Variants in HPD observed in about 807,000 individuals in gnomAD.
The protein encoded by HPD is 4-hydroxyphenylpyruvic acid oxidase.
Under a neutral mutation model 56.9 loss-of-function variants are expected in HPD, and 35 were observed. The ratio of observed to expected loss-of-function variants is 0.62; its 90% CI spans 0.47 to 0.82. HPD has a LOEUF of 0.82. Among genes scored for constraint, HPD ranks in the 40% least tolerant of loss-of-function variants. HPD has a pLI of 0.00. For missense variants in HPD, 442 were observed against 506.8 expected (o/e 0.87, Z 1.23); for synonymous variants, 186 against 200.2 (o/e 0.93, Z 0.60).
Position 121,857,313 on chromosome 12 carries a change from G to A in HPD, c.198+15C>T, listed in dbSNP as rs560549544. The A allele has an allele frequency of 1.3e-6, 2 of 1,556,264 alleles. No homozygotes were observed. The highest frequency in any genetic ancestry group is 2.2e-5 in the South Asian group (2 of 89,986). ...CAGGCAGGGGTTGGGGGCTGTCCTG[G>A]GGGTGGTGACTCACCTTCCCTTGTT... On this transcript the variant is annotated intron_variant, in intron 4 of 13. Coordinates refer to ENST00000289004, the MANE Select transcript of HPD (RefSeq NM_002150.3).
At chr12:121,863,915 G>A (rs566812465), upstream of HPD, among the ~76,000 whole-genome samples, 2 of 152,130 alleles carry the variant, frequency 1.3e-5, no homozygotes, top group Admixed American at 1.3e-4. Context: ...GTATAAAAAT[G>A]TTTTTCTGTG....
At chr12:121,867,181 A>C (rs1373379389), upstream of HPD, among the ~76,000 whole-genome samples, 2 of 151,914 alleles carry the variant, frequency 1.3e-5, no homozygotes, top group Non-Finnish European at 2.9e-5. Flanking sequence ...GCAAAACCCC[A>C]TCTCTACTAA....
intron 4 of HPD, chr12:121,856,945 T>A: frequency 1.9e-6 from 1 of 514,036 alleles, no homozygotes; most frequent in South Asian, 2.1e-5. Flanking sequence ...ACCTGTGGGG[T>A]CAGTGTTGGG....
At chr12:121,859,312 A>G, upstream of HPD, 1 of 236,042 alleles carries the variant, frequency 4.2e-6, no homozygotes, top group Non-Finnish European at 8.5e-6. Context: ...GCTCTGTTAC[A>G]TACAGTGTGA....
chr12:121,879,116 C>T, the HPD span, among the ~76,000 whole-genome samples: 6 of 151,948 alleles, frequency 3.9e-5, no homozygotes, highest in Admixed American at 6.6e-5. Context: ...GAAGCTCTGT[C>T]GCTACTAAAA....
chr12:121,877,503 A>G, the HPD span, among the ~76,000 whole-genome samples: 1 of 151,788 alleles, frequency 6.6e-6, no homozygotes, highest in African/African-American at 2.4e-5. Flanking sequence ...AGGCAGAGGC[A>G]GGTGGATCAC....
At chr12:121,855,802 C>G (rs1261327794) in intron 6 of HPD, among the ~76,000 whole-genome samples, 4 of 151,596 alleles carry the variant, frequency 2.6e-5, no homozygotes, top group Non-Finnish European at 4.4e-5. Context: ...GAAACCCCAT[C>G]TCTACTAAAA....
At chr12:121,883,183 TGTGTGTG>T in the HPD span, among the ~76,000 whole-genome samples, 1 of 2,196 alleles carries the variant, frequency 4.6e-4, no homozygotes, top group Non-Finnish European at 1.0e-3. Context: ...GCATAAGTTG[TGTGTGTG>T]TGTGTGTGTG....
At chr12:121,843,573 T>G in intron 12 of HPD, 137 bp downstream of exon 12, 1 of 961,978 alleles carries the variant, frequency 1.0e-6, no homozygotes, top group Admixed American at 2.0e-5. Flanking sequence ...TCCTCCCACA[T>G]AGACCCTAGA....
At position 121,854,597 on chromosome 12, in the gene HPD, G is replaced by C; in HGVS notation, c.414+106C>G. On this transcript the variant is annotated intron_variant, in intron 7 of 13. Transcript: ENST00000289004. ...GACAGACTTGAGGGACAATGTCTGT[G>C]CTCCAAGGCCCATGGGTGGGATGGT... 3.6e-6 allele frequency: 3 copies of C among 837,570 alleles called. No homozygotes were observed. The South Asian group carries it at 4.0e-5, about 11-fold the overall frequency. The allele number at this position is 837,570 out of a possible 1,614,324, so 51.9% of individuals were successfully genotyped here.
At chr12:121,878,338 T>C in the HPD span, among the ~76,000 whole-genome samples, 1 of 152,084 alleles carries the variant, frequency 6.6e-6, no homozygotes. Flanking sequence ...AGCTCAGCTA[T>C]GTGGTTTTTT....
intron 7 of HPD, among the ~76,000 whole-genome samples, chr12:121,850,232 G>A (rs937795982): frequency 1.3e-5 from 2 of 151,844 alleles, no homozygotes; most frequent in East Asian, 3.9e-4. Context: ...CCATCCTGGC[G>A]AACACGGTGA....
chr12:121,849,051 C>T lies in HPD; in HGVS notation c.544G>A (p.Asp182Asn), dbSNP rs750446552. 51 of 1,613,662 alleles carry T rather than the reference C, an allele frequency of 3.2e-5. No individual in the cohort carries two copies. Among genetic ancestry groups the T allele is most frequent in the Admixed American group, 3.3e-5 (2 of 59,936 alleles). Reference sequence around the variant, plus strand: ...TCAGGCTGGTTTCCCACAATGTGGTCGATCATCTCCAGACTGCATTTGGGC... The same window carrying T: ...TCAGGCTGGTTTCCCACAATGTGGTTGATCATCTCCAGACTGCATTTGGGC... The part of the protein sequence containing the change: ...KLPKCSLEMI[D>N]HIVGNQPDQE... Residue 182 changes from aspartate (D) to asparagine (N), a missense_variant, in exon 9 of 14, where the codon GAC becomes AAC. By Grantham distance (23) the Asp-to-Asn change is conservative. Transcript: ENST00000289004.
the HPD span, among the ~76,000 whole-genome samples, chr12:121,870,383 C>A: frequency 1.3e-5 from 2 of 151,546 alleles, no homozygotes; most frequent in Non-Finnish European, 2.9e-5. Flanking sequence ...TGGCGCATGC[C>A]TGTAATCCCA....
intron 9 of HPD, among the ~76,000 whole-genome samples, chr12:121,847,513 C>G (rs115338918): frequency 0.018 from 2,764 of 152,120 alleles, 85 homozygotes; most frequent in African/African-American, 0.063. Context: ...CATGTGCTAC[C>G]ACACCTGGAT....
At chr12:121,858,601 T>C in intron 2 of HPD, 86 bp downstream of exon 2, 4 of 1,303,008 alleles carry the variant, frequency 3.1e-6, no homozygotes, top group Non-Finnish European at 3.3e-6. Context: ...CTTCCTCTTC[T>C]GCTCTCTGCT....
At chr12:121,841,142 C>T (rs757707555) in intron 12 of HPD, among the ~76,000 whole-genome samples, 14 of 148,994 alleles carry the variant, frequency 9.4e-5, no homozygotes, top group Non-Finnish European at 1.6e-4. Flanking sequence ...GTGGAGGTTG[C>T]AGTGAGCCAA....
At chr12:121,883,976 A>G in the HPD span, among the ~76,000 whole-genome samples, 4 of 151,986 alleles carry the variant, frequency 2.6e-5, no homozygotes, top group African/African-American at 9.7e-5. Context: ...CTTACCATAA[A>G]AAGAGTTTCT....
chr12:121,866,770 A>C (rs1878338988), upstream of HPD, among the ~76,000 whole-genome samples: 1 of 152,056 alleles, frequency 6.6e-6, no homozygotes, highest in African/African-American at 2.4e-5. Context: ...AATTCATAGA[A>C]CTGTACACTG....
Sources: gnomAD v4.1 joint callset for allele counts (sites outside exome capture counted in the v4.1 genomes callset) on GRCh38, gnomAD v4.1.1 for gene constraint, MANE v1.5 for transcripts, NCBI Gene and HGNC (gene_info 2026-07-23, HGNC 2026-07-21) for gene names.